The following CDH2 variants were observed in gnomAD, a reference collection of about 807,000 sequenced individuals.
The protein encoded by CDH2 is cadherin 2, also known as cadherin-2.
CDH2 carries 17 observed loss-of-function variants against 92.0 expected under a neutral mutation model. The ratio of observed to expected loss-of-function variants is 0.18; its 90% CI spans 0.13 to 0.28. The LOEUF (loss-of-function observed/expected upper bound fraction) is 0.28, where lower values mean the gene tolerates loss of function less well. Among genes scored for constraint, CDH2 ranks in the 10% least tolerant of loss-of-function variants. The pLI is 1.00. For synonymous variants in CDH2, 419 were observed against 415.9 expected, an observed-to-expected ratio of 1.01 and a Z score of -0.09; for missense variants, 862 against 1,133.1, an observed-to-expected ratio of 0.76 and a Z score of 3.44.
chr18:28,103,608 C>T lies in CDH2; in HGVS notation c.172+44065G>A, dbSNP rs577578977. 7.9e-5 allele frequency among the ~76,000 whole-genome samples: 12 copies of T among 151,888 alleles called. No homozygotes were observed. The East Asian group carries it at 1.9e-3, about 25-fold the overall frequency. On this transcript the variant is annotated intron_variant, in intron 2 of 15. Transcript: ENST00000269141. ...TGGTGGTTTGCTGCACCCATCAACC[C>T]GTCATCTACATTAGGTATTTCTCCT...
chr18:28,025,156 T>C (rs1298164217), intron 2 of CDH2, among the ~76,000 whole-genome samples: 1 of 152,060 alleles, frequency 6.6e-6, no homozygotes, highest in Non-Finnish European at 1.5e-5. Flanking sequence ...AGGGAGATGA[T>C]CTGGGGAAGT....
At chr18:28,175,679 G>C (rs971582516) in intron 1 of CDH2, among the ~76,000 whole-genome samples, 4 of 152,168 alleles carry the variant, frequency 2.6e-5, no homozygotes, top group African/African-American at 9.7e-5. Flanking sequence ...CCACGGAGCG[G>C]GGTAATCCAC....
At chr18:27,973,226 A>T (rs2011716728) in intron 14 of CDH2, among the ~76,000 whole-genome samples, 1 of 68,380 alleles carries the variant, frequency 1.5e-5, no homozygotes, top group African/African-American at 4.8e-5. Context: ...CAACTCACAT[A>T]AAAAAATCAA....
chr18:27,980,772 T>C (rs1391546976), intron 14 of CDH2, among the ~76,000 whole-genome samples: 1 of 144,902 alleles, frequency 6.9e-6, no homozygotes, highest in Non-Finnish European at 1.5e-5. Flanking sequence ...AGCACATTTA[T>C]GTCCAAGAGT....
intron 2 of CDH2, among the ~76,000 whole-genome samples, chr18:28,112,594 TC>T (rs1170766421): frequency 6.6e-6 from 1 of 152,254 alleles, no homozygotes; most frequent in Non-Finnish European, 1.5e-5. Flanking sequence ...ATTATAGTTC[TC>T]ATGATCATCT....
chr18:28,122,566 T>A (rs2015609113), intron 2 of CDH2, among the ~76,000 whole-genome samples: 1 of 152,140 alleles, frequency 6.6e-6, no homozygotes, highest in Non-Finnish European at 1.5e-5. Flanking sequence ...GGTGGTGCTA[T>A]GTAATCTGAA....
At position 28,003,173 on chromosome 18, in the gene CDH2, G is replaced by C. The variant is rs11876365; in HGVS notation, c.848-4C>G. The C allele has an allele frequency of 5.1e-4, 824 of 1,609,688 alleles. 3 individuals carry two copies. The African/African-American group carries it at 9.5e-3, about 19-fold the overall frequency. ...GTTACGGTCATCACATATGTTCCTA[G>C]AGACAGTGTACATGGAAAATGAATG... On this transcript the variant is annotated splice_polypyrimidine_tract_variant and splice_region_variant and intron_variant, in intron 6 of 15. Coordinates refer to ENST00000269141, the MANE Select transcript of CDH2 (RefSeq NM_001792.5).
At chr18:28,160,233 C>T (rs990282801) in intron 1 of CDH2, among the ~76,000 whole-genome samples, 2 of 151,640 alleles carry the variant, frequency 1.3e-5, no homozygotes, top group Admixed American at 1.3e-4. Context: ...AGGCAGGATG[C>T]ACAGCGACCT....
rs35310605 is a variant in CDH2 at position 28,125,422 on chromosome 18, AT to A, written c.172+22250del. Among the ~76,000 whole-genome samples the A allele has an allele frequency of 9.2e-5, 14 of 151,838 alleles. No individual in the cohort carries two copies. The East Asian group carries it at 2.3e-3, about 25-fold the overall frequency. ...AGGAGATGGAATGGAGTAAAAAAAA[AT>A]TTTTTTTTCAAAATTCACTTTCTTT... On this transcript the variant is annotated intron_variant, in intron 2 of 15. Transcript: ENST00000269141.
intron 2 of CDH2, among the ~76,000 whole-genome samples, chr18:28,095,184 A>G (rs1461355952): frequency 2.0e-5 from 3 of 152,142 alleles, no homozygotes; most frequent in Admixed American, 6.5e-5. Context: ...TCCATGTCCA[A>G]TAAAGCTTCG....
At chr18:27,938,356 A>C (rs1016824422) in intron 6 of CDH2, among the ~76,000 whole-genome samples, 2 of 152,158 alleles carry the variant, frequency 1.3e-5, no homozygotes, top group African/African-American at 2.4e-5. Flanking sequence ...TTTGAAAACC[A>C]CCCACATAGT....
chr18:27,989,478 C>T (rs2012340000), intron 10 of CDH2, among the ~76,000 whole-genome samples: 1 of 152,044 alleles, frequency 6.6e-6, no homozygotes, highest in African/African-American at 2.4e-5. Flanking sequence ...CTTTTAGCAG[C>T]AGTTCTGTAA....
At chr18:28,048,775 A>C (rs1345077809) in intron 2 of CDH2, among the ~76,000 whole-genome samples, 2 of 152,188 alleles carry the variant, frequency 1.3e-5, no homozygotes, top group Non-Finnish European at 2.9e-5. Context: ...AAAAACAACA[A>C]ACAAAATTTC....
At chr18:28,145,687 A>G (rs578071107) in intron 2 of CDH2, among the ~76,000 whole-genome samples, 1 of 152,256 alleles carries the variant, frequency 6.6e-6, no homozygotes, top group African/African-American at 2.4e-5. Flanking sequence ...AAGCCTGTGT[A>G]AATTTTCTTC....
chr18:28,066,870 A>C (rs1328163054), intron 2 of CDH2, among the ~76,000 whole-genome samples: 1 of 152,202 alleles, frequency 6.6e-6, no homozygotes, highest in Non-Finnish European at 1.5e-5. Context: ...AAAACTCACA[A>C]AAGATAAAAA....
At chr18:27,934,954 A>G (rs1908983503) in intron 6 of CDH2, among the ~76,000 whole-genome samples, 2 of 152,176 alleles carry the variant, frequency 1.3e-5, no homozygotes, top group South Asian at 2.1e-4. Context: ...TATGATCTGA[A>G]ACTGCCCCAA....
At chr18:28,049,334 C>T (rs1311272447) in intron 2 of CDH2, among the ~76,000 whole-genome samples, 1 of 152,154 alleles carries the variant, frequency 6.6e-6, no homozygotes, top group East Asian at 1.9e-4. Context: ...CCGATGGTTG[C>T]GATATGGCTA....
At chr18:28,065,686 C>A (rs2014492726) in intron 2 of CDH2, among the ~76,000 whole-genome samples, 1 of 152,136 alleles carries the variant, frequency 6.6e-6, no homozygotes, top group African/African-American at 2.4e-5. Context: ...GTTACATCAT[C>A]CCTTTTTTCC....
intron 6 of CDH2, among the ~76,000 whole-genome samples, chr18:27,940,102 C>T (rs1046120961): frequency 6.6e-6 from 1 of 152,310 alleles, no homozygotes; most frequent in East Asian, 1.9e-4. Context: ...AATCTGGCTT[C>T]TTTCCCTTTC....
Sources: gnomAD v4.1 joint callset for allele counts (sites outside exome capture counted in the v4.1 genomes callset) on GRCh38, gnomAD v4.1.1 for gene constraint, MANE v1.5 for transcripts, NCBI Gene and HGNC (gene_info 2026-07-23, HGNC 2026-07-21) for gene names.